GABRA3: variants seen among roughly 807,000 people sequenced by gnomAD.
The protein encoded by GABRA3 is gamma-aminobutyric acid type A receptor subunit alpha3.
GABRA3 carries 10 observed loss-of-function variants against 30.1 expected under a neutral mutation model. The observed-to-expected ratio is 0.33, with a 90% confidence interval of 0.20 to 0.56. The LOEUF (loss-of-function observed/expected upper bound fraction) is 0.56, where lower values mean the gene tolerates loss of function less well. Among genes scored for constraint, GABRA3 ranks in the 20% least tolerant of loss-of-function variants. The pLI is 0.89. For synonymous variants in GABRA3, 151 were observed against 146.8 expected (o/e 1.03, Z -0.21); for missense variants, 233 against 392.0 (o/e 0.59, Z 3.42).
rs746035764 is a variant in GABRA3 at position 152,359,038 on chromosome X, C to T, written c.140+5393G>A. On this transcript the variant is annotated intron_variant, in intron 2 of 9. Transcript: ENST00000370314. ...ACAAGTTTTCTTTTTTGTTGTGTAC[C>T]AGGTTTTGGTATCAGGATGATGCTG... Among the ~76,000 whole-genome samples the T allele has an allele frequency of 8.1e-5, 9 of 111,176 alleles. No individual in the cohort carries two copies. The East Asian group carries it at 2.6e-3, about 32-fold the overall frequency.
intron 6 of GABRA3, among the ~76,000 whole-genome samples, chrX:152,215,583 T>C (rs977495683): frequency 9.0e-6 from 1 of 111,018 alleles, no homozygotes; most frequent in Non-Finnish European, 1.9e-5. Context: ...TCTCTCACTA[T>C]AAAAAATGGA....
intron 2 of GABRA3, among the ~76,000 whole-genome samples, chrX:152,363,320 T>C (rs1000698929): frequency 8.0e-5 from 9 of 112,180 alleles, no homozygotes; most frequent in African/African-American, 2.6e-4. Context: ...GTATTTATTA[T>C]TGGTATAATA....
chrX:152,225,971 C>T (rs1323112876), intron 5 of GABRA3, among the ~76,000 whole-genome samples: 1 of 111,051 alleles, frequency 9.0e-6, no homozygotes, highest in Non-Finnish European at 1.9e-5. Flanking sequence ...GGCCCAAGTA[C>T]TCCTTAGGAC....
At chrX:152,360,696 ATAAAAAAAAAAAAAT>A (rs1256190227) in intron 2 of GABRA3, among the ~76,000 whole-genome samples, 4 of 89,923 alleles carry the variant, frequency 4.4e-5, no homozygotes, top group African/African-American at 1.3e-4. Context: ...TTAGAGTATA[ATAAAAAAAAAAAAAT>A]TAAAAAAAAA....
chrX:152,414,944 G>A (rs890308564), intron 1 of GABRA3, among the ~76,000 whole-genome samples: 3 of 108,982 alleles, frequency 2.8e-5, no homozygotes, highest in Non-Finnish European at 3.8e-5. Flanking sequence ...ACTGTATAGT[G>A]CTAATTATGA....
chrX:152,312,337 C>A (rs980435729), intron 3 of GABRA3, among the ~76,000 whole-genome samples: 1 of 112,060 alleles, frequency 8.9e-6, no homozygotes, highest in Admixed American at 9.5e-5. Context: ...AGCTACACAC[C>A]TACAACCATG....
chrX:152,240,098 T>G (rs1938326993), intron 5 of GABRA3, among the ~76,000 whole-genome samples: 1 of 99,760 alleles, frequency 1.0e-5, no homozygotes, highest in Non-Finnish European at 2.0e-5. Context: ...CTCGATGGTC[T>G]TTACATTTTG....
intron 1 of GABRA3, among the ~76,000 whole-genome samples, chrX:152,378,197 G>A (rs1018058701): frequency 1.8e-5 from 2 of 111,450 alleles, no homozygotes; most frequent in South Asian, 3.7e-4. Context: ...GACATTGGTC[G>A]GTATACAGAG....
At chrX:152,254,060 A>G (rs1569370911) in intron 5 of GABRA3, among the ~76,000 whole-genome samples, 1 of 111,473 alleles carries the variant, frequency 9.0e-6, no homozygotes, top group Non-Finnish European at 1.9e-5. Context: ...CTCCCCTATT[A>G]TATTGTGATT....
At chrX:152,401,264 G>GTGTATATATATA (rs1929786607) in intron 1 of GABRA3, among the ~76,000 whole-genome samples, 1 of 75,175 alleles carries the variant, frequency 1.3e-5, no homozygotes, top group Non-Finnish European at 2.5e-5. Flanking sequence ...GATTTAATGT[G>GTGTATATATATA]TGTATATATA....
intron 4 of GABRA3, among the ~76,000 whole-genome samples, chrX:152,270,337 G>A (rs780115373): frequency 5.4e-5 from 6 of 111,428 alleles, no homozygotes; most frequent in Admixed American, 9.6e-5. Context: ...ATTACTGTAC[G>A]TTTCCTGAGG....
At chrX:152,319,448 C>G (rs1376326442) in intron 3 of GABRA3, among the ~76,000 whole-genome samples, 2 of 111,427 alleles carry the variant, frequency 1.8e-5, no homozygotes, top group Non-Finnish European at 3.8e-5. Flanking sequence ...ACTGATCTTC[C>G]ACAAAGCAAG....
chrX:152,263,729 G>A (rs182823312), intron 4 of GABRA3, among the ~76,000 whole-genome samples: 215 of 111,163 alleles, frequency 1.9e-3, no homozygotes, highest in African/African-American at 6.5e-3. Flanking sequence ...AGTACAAGAA[G>A]GTTATAGAAC....
chrX:152,240,507 T>A lies in GABRA3; in HGVS notation c.551+15271A>T, dbSNP rs373876570. ...CTCTTCTCGAGGAGTATCTTTGTGG[T>A]GTTCTCTGTATTTCCTGAATCTGAA... On this transcript the variant is annotated intron_variant, in intron 5 of 9. Transcript: ENST00000370314. Among the ~76,000 whole-genome samples, 605 of 85,035 alleles carry A rather than the reference T, an allele frequency of 7.1e-3. 3 individuals carry two copies. Among genetic ancestry groups the A allele is most frequent in the Middle Eastern group, 0.022 (4 of 184 alleles). The allele number at this position is 85,035 out of a possible 115,157, so 73.8% of individuals were successfully genotyped here. A position where few individuals can be genotyped will look rare whatever the true frequency, so the allele number is the denominator to read the frequency against.
intron 2 of GABRA3, among the ~76,000 whole-genome samples, chrX:152,356,157 C>T (rs1253920209): frequency 1.8e-5 from 2 of 111,777 alleles, no homozygotes; most frequent in African/African-American, 6.5e-5. Context: ...TTCCTTACAC[C>T]AGAATCATCT....
intron 1 of GABRA3, among the ~76,000 whole-genome samples, chrX:152,411,215 T>A (rs1453305974): frequency 9.0e-6 from 1 of 110,849 alleles, no homozygotes; most frequent in Non-Finnish European, 1.9e-5. Context: ...CTTGGGAGGC[T>A]GAGGTGGGAG....
At chrX:152,246,553 C>T (rs1162066585) in intron 5 of GABRA3, among the ~76,000 whole-genome samples, 6 of 111,524 alleles carry the variant, frequency 5.4e-5, no homozygotes, top group African/African-American at 2.0e-4. Context: ...TTCCATTATG[C>T]CTTTTGGTAC....
rs752796633 is a variant in GABRA3, at chrX:152,166,876, G to A, written c.*1352C>T. The A allele has an allele frequency of 7.2e-5, 8 of 110,815 alleles. No individual in the cohort carries two copies. The highest frequency in any genetic ancestry group is 1.9e-4 in the Admixed American group (2 of 10,395). The allele number at this position is 110,815 out of a possible 1,213,427, so 9.1% of individuals were successfully genotyped here. A position where few individuals can be genotyped will look rare whatever the true frequency, so the allele number is the denominator to read the frequency against. The stretch of plus-strand genomic sequence containing the variant: ...GGCCTTTGGAAAGGGGCGCACGATA[G>A]CTCTTTATTAAAGACACTTGTAAGG... On this transcript the variant is annotated 3_prime_UTR_variant, in exon 10 of 10. Coordinates refer to ENST00000370314, the MANE Select transcript of GABRA3 (RefSeq NM_000808.4).
chrX:152,306,150 G>T (rs1939716990), intron 3 of GABRA3, among the ~76,000 whole-genome samples: 1 of 112,077 alleles, frequency 8.9e-6, no homozygotes, highest in South Asian at 3.7e-4. Flanking sequence ...GCTATACCCT[G>T]TCAAATATCT....
Sources: allele counts gnomAD v4.1 joint callset (sites outside exome capture counted in the v4.1 genomes callset), GRCh38; gene constraint gnomAD v4.1.1; transcripts MANE v1.5; gene names NCBI Gene and HGNC (gene_info 2026-07-23, HGNC 2026-07-21).